ELOVL6: variants seen among roughly 807,000 people sequenced by gnomAD.
The protein encoded by ELOVL6 is very long chain fatty acid elongase 6.
Under a neutral mutation model 31.7 loss-of-function variants are expected in ELOVL6, and 8 were observed. The observed-to-expected ratio is 0.25, with a 90% CI of 0.15 to 0.45. ELOVL6 has a LOEUF of 0.45. Ranked by LOEUF, ELOVL6 falls within the 20% of genes least tolerant of loss-of-function variation. The probability of loss-of-function intolerance (pLI) is 1.00; values close to 1 mark genes in which losing one functional copy is unlikely to be tolerated. For synonymous variants in ELOVL6, 101 were observed against 117.7 expected (o/e 0.86, Z 0.92); for missense variants, 126 against 326.4 (o/e 0.39, Z 4.73).
chr4:110,172,575 A>G (rs1758984393), intron 1 of ELOVL6, among the ~76,000 whole-genome samples: 1 of 152,196 alleles, frequency 6.6e-6, no homozygotes, highest in African/African-American at 2.4e-5. Flanking sequence ...TCCCAGGTAC[A>G]TGGATTAGGC....
intron 1 of ELOVL6, among the ~76,000 whole-genome samples, chr4:110,106,162 G>A (rs1560825311): frequency 6.6e-6 from 1 of 152,114 alleles, no homozygotes; most frequent in Non-Finnish European, 1.5e-5. Context: ...TTTGAGACCA[G>A]ACTGGCCAAC....
intron 2 of ELOVL6, among the ~76,000 whole-genome samples, chr4:110,100,909 A>T (rs559991897): frequency 6.6e-6 from 1 of 152,244 alleles, no homozygotes; most frequent in Non-Finnish European, 1.5e-5. Flanking sequence ...AAAATGCATG[A>T]ATTATAGTGT....
intron 1 of ELOVL6, among the ~76,000 whole-genome samples, chr4:110,184,974 C>T (rs559105397): frequency 3.3e-5 from 5 of 152,248 alleles, no homozygotes; most frequent in African/African-American, 1.2e-4. Flanking sequence ...AAATCTGAAT[C>T]CCTGAGATAA....
At chr4:110,169,907 C>T (rs1360582230) in intron 1 of ELOVL6, among the ~76,000 whole-genome samples, 7 of 150,098 alleles carry the variant, frequency 4.7e-5, no homozygotes, top group African/African-American at 1.7e-4. Context: ...CAGGTTCAAG[C>T]GATTCTCTTG....
intron 3 of ELOVL6, among the ~76,000 whole-genome samples, chr4:110,056,464 G>A (rs775095960): frequency 2.6e-5 from 4 of 151,770 alleles, no homozygotes; most frequent in African/African-American, 7.3e-5. Flanking sequence ...TTGAGTCAGC[G>A]GTTTACCTCT....
chr4:110,186,878 TAC>T (rs1759464253), intron 1 of ELOVL6, among the ~76,000 whole-genome samples: 1 of 141,632 alleles, frequency 7.1e-6, no homozygotes, highest in Non-Finnish European at 1.5e-5. Flanking sequence ...TATACATATA[TAC>T]ACATATATAT....
intron 1 of ELOVL6, among the ~76,000 whole-genome samples, chr4:110,157,278 G>T (rs1758462855): frequency 6.6e-6 from 1 of 152,162 alleles, no homozygotes; most frequent in African/African-American, 2.4e-5. Flanking sequence ...CATACAATGT[G>T]AAGCAAAAAT....
intron 2 of ELOVL6, among the ~76,000 whole-genome samples, chr4:110,087,814 A>AC (rs1756311215): frequency 6.6e-6 from 1 of 151,474 alleles, no homozygotes; most frequent in African/African-American, 2.4e-5. Flanking sequence ...TAAAAAAAAA[A>AC]AAAACCTCCT....
intron 1 of ELOVL6, among the ~76,000 whole-genome samples, chr4:110,191,795 AAAAAG>A (rs1367752611): frequency 3.3e-5 from 5 of 152,020 alleles, no homozygotes; most frequent in South Asian, 2.1e-4. Context: ...CAGGCTCAAA[AAAAAG>A]AAAAGAAAAA....
intron 2 of ELOVL6, among the ~76,000 whole-genome samples, chr4:110,104,002 G>T (rs556851671): frequency 4.7e-4 from 71 of 152,228 alleles, no homozygotes; most frequent in African/African-American, 1.6e-3. Context: ...AATAATTTGG[G>T]GATGAGAAAC....
At chr4:110,122,769 A>G (rs1757390232) in intron 1 of ELOVL6, among the ~76,000 whole-genome samples, 1 of 152,206 alleles carries the variant, frequency 6.6e-6, no homozygotes. Context: ...CCTGTGCTAC[A>G]ACTATACTGT....
intron 2 of ELOVL6, among the ~76,000 whole-genome samples, chr4:110,090,600 C>CTTTTTTGTGTTTTTTTT (rs1553956743): frequency 1.9e-5 from 2 of 103,714 alleles, no homozygotes; most frequent in Non-Finnish European, 3.6e-5. Context: ...GTTTGACTTT[C>CTTTTTTGTGTTTTTTTT]TTTTTTTTTT....
Position 110,050,253 on chromosome 4 carries a change from A to C in ELOVL6, c.*1085T>G, listed in dbSNP as rs1034092927. The C allele has an allele frequency of 5.2e-5, 8 of 152,610 alleles. No individual in the cohort carries two copies. The highest frequency in any genetic ancestry group is 1.9e-4 in the African/African-American group (8 of 41,442). 9.5% of individuals were successfully genotyped at this position (152,610 alleles called of 1,614,324 possible). A position where few individuals can be genotyped will look rare whatever the true frequency, so the allele number is the denominator to read the frequency against. The stretch of plus-strand genomic sequence containing the variant: ...CCTTTTGGAATTCACAAAAATATCG[A>C]AAATATGCGCTATACTGTGGGGTTT... On this transcript the variant is annotated 3_prime_UTR_variant, in exon 4 of 4. Coordinates refer to ENST00000302274, the MANE Select transcript of ELOVL6 (RefSeq NM_024090.3).
intron 1 of ELOVL6, among the ~76,000 whole-genome samples, chr4:110,140,684 T>C (rs1400209060): frequency 6.6e-6 from 1 of 151,904 alleles, no homozygotes; most frequent in Non-Finnish European, 1.5e-5. Flanking sequence ...AAAGTCTAAA[T>C]GATATTAAGC....
intron 1 of ELOVL6, among the ~76,000 whole-genome samples, chr4:110,143,670 T>C (rs940551194): frequency 9.2e-5 from 14 of 152,188 alleles, no homozygotes; most frequent in African/African-American, 2.4e-4. Context: ...TGGATGCACA[T>C]TAAAGCTTGA....
intron 1 of ELOVL6, among the ~76,000 whole-genome samples, chr4:110,160,113 AACACACAC>A (rs59669268): frequency 6.7e-6 from 1 of 149,314 alleles, no homozygotes; most frequent in East Asian, 2.0e-4. Context: ...CACACACACA[AACACACAC>A]ACACACACAC....
Position 110,050,264 on chromosome 4 carries a change from T to A in ELOVL6, c.*1074A>T, listed in dbSNP as rs1220428001. 2 of 152,720 alleles carry A rather than the reference T, an allele frequency of 1.3e-5. No homozygotes were observed. Among genetic ancestry groups the A allele is most frequent in the East Asian group, 3.9e-4 (2 of 5,176 alleles). The allele number at this position is 152,720 out of a possible 1,614,324, so 9.5% of individuals were successfully genotyped here. On this transcript the variant is annotated 3_prime_UTR_variant, in exon 4 of 4. Transcript: ENST00000302274. ...TCACAAAAATATCGAAAATATGCGC[T>A]ATACTGTGGGGTTTCATTTGGAAAG...
chr4:110,115,714 C>T (rs186583714), intron 1 of ELOVL6, among the ~76,000 whole-genome samples: 143 of 152,246 alleles, frequency 9.4e-4, no homozygotes, highest in African/African-American at 3.3e-3. Flanking sequence ...TTGAGAACTC[C>T]GATAATGGGG....
rs185638369 is a variant in ELOVL6 at position 110,167,614 on chromosome 4, C to T, written c.89+30633G>A. Reference sequence around the variant, plus strand: ...GTGGTGCAATGATCCTCAGCTTCCACAAGTAGCTGGGACTACAGGGTGCCT... The same window carrying T: ...GTGGTGCAATGATCCTCAGCTTCCATAAGTAGCTGGGACTACAGGGTGCCT... On this transcript the variant is annotated intron_variant, in intron 1 of 3. Coordinates refer to ENST00000302274, the MANE Select transcript of ELOVL6 (RefSeq NM_024090.3). Among the ~76,000 whole-genome samples the T allele has an allele frequency of 3.6e-3, 541 of 152,202 alleles. 1 individual carries two copies. The highest frequency in any genetic ancestry group is 0.012 in the African/African-American group (478 of 41,532).
Sources: gnomAD v4.1 joint callset for allele counts (sites outside exome capture counted in the v4.1 genomes callset) on GRCh38, gnomAD v4.1.1 for gene constraint, MANE v1.5 for transcripts, NCBI Gene and HGNC (gene_info 2026-07-23, HGNC 2026-07-21) for gene names.